REXO5: variants seen among roughly 807,000 people sequenced by gnomAD.
The protein encoded by REXO5 is exonuclease NEF-sp.
A neutral mutation model predicts 88.5 loss-of-function variants in REXO5; 48 were observed. That is an observed-to-expected ratio of 0.54 (90% CI 0.43 to 0.69). REXO5 has a LOEUF of 0.69. Among genes scored for constraint, REXO5 ranks in the 30% least tolerant of loss-of-function variants. The pLI is 0.00. For missense variants in REXO5, 749 were observed against 912.2 expected (o/e 0.82, Z 2.30); for synonymous variants, 311 against 336.5 (o/e 0.92, Z 0.83).
rs765947328 is a variant in REXO5, at chr16:20,843,952, T to C, written c.1645T>C (p.Tyr549His). 1.2e-6 allele frequency: 2 copies of C among 1,606,246 alleles called. No homozygotes were observed. Among genetic ancestry groups the C allele is most frequent in the South Asian group, 2.2e-5 (2 of 90,936 alleles). ...ETRQPHLCIQ[Y>H]EVLEAAQLAI... ...TCTGCAGCCTCATCTCTGTATACAG[T>C]ATGAAGTCCTAGAAGCTGCCCAGCT... The change falls in exon 16 of 20, where the codon TAT (tyrosine) becomes CAT (histidine). Residue 549 changes from tyrosine (Y) to histidine (H), a missense_variant. Physicochemically the swap from Tyr to His is moderately conservative, Grantham distance 83. Coordinates refer to ENST00000261377, the MANE Select transcript of REXO5 (RefSeq NM_030941.3).
At chr16:20,808,226 C>T (rs13335526) in intron 2 of REXO5, among the ~76,000 whole-genome samples, 2,870 of 152,224 alleles carry the variant, frequency 0.019, 90 homozygotes, top group African/African-American at 0.065. Flanking sequence ...GGTTGGGGAC[C>T]GCTGCAATAG....
At chr16:20,824,261 G>A (rs1567392937) in intron 6 of REXO5, among the ~76,000 whole-genome samples, 178 bp from the exon 7 acceptor site, 1 of 152,084 alleles carries the variant, frequency 6.6e-6, no homozygotes. Flanking sequence ...AAAATGAGTA[G>A]ATGGAGAAAA....
At chr16:20,842,039 G>A (rs1261850271) in intron 15 of REXO5, among the ~76,000 whole-genome samples, 4 of 152,058 alleles carry the variant, frequency 2.6e-5, no homozygotes, top group Non-Finnish European at 5.9e-5. Flanking sequence ...TTGGTTGCGG[G>A]GGTGGCGGGT....
In REXO5 at chr16:20,840,410, G is replaced by C; in HGVS notation, c.1568G>C (p.Arg523Thr). The C allele has an allele frequency of 6.3e-7, 1 of 1,583,376 alleles. No individual in the cohort carries two copies. The highest frequency in any genetic ancestry group is 8.6e-7 in the Non-Finnish European group (1 of 1,157,484). The part of the protein sequence containing the change: ...SKNCNLRALK[R>T]LFKSFGPVQS... ...AATTGCAATCTCAGGGCTCTGAAGA[G>C]GCTGTTTAAAAGCTTTGGCCCAGTC... Residue 523 changes from arginine to threonine, a missense_variant, in exon 15 of 20, where the codon AGG (arginine) becomes ACG (threonine). Coordinates refer to ENST00000261377, the MANE Select transcript of REXO5 (RefSeq NM_030941.3).
chr16:20,849,208 T>C (rs574543679), intron 19 of REXO5, among the ~76,000 whole-genome samples, 191 bp from the exon 20 acceptor site: 3 of 152,370 alleles, frequency 2.0e-5, no homozygotes, highest in East Asian at 3.9e-4. Flanking sequence ...AGGATTTGAA[T>C]CTAGACCTCT....
At chr16:20,821,281 GTGT>G (rs1429937773) in intron 5 of REXO5, among the ~76,000 whole-genome samples, 2 of 142,950 alleles carry the variant, frequency 1.4e-5, no homozygotes, top group East Asian at 2.1e-4. Context: ...CATTTTCTCT[GTGT>G]TTTTTTTGTT....
intron 5 of REXO5, among the ~76,000 whole-genome samples, chr16:20,819,005 A>G (rs2081123690): frequency 6.6e-6 from 1 of 152,166 alleles, no homozygotes; most frequent in East Asian, 1.9e-4. Context: ...GCTCCCTCTT[A>G]TAAGTGAGAA....
At chr16:20,828,410 T>C in intron 10 of REXO5, 25 bp from the exon 11 acceptor site, 3 of 1,445,014 alleles carry the variant, frequency 2.1e-6, no homozygotes, top group Non-Finnish European at 2.9e-6. Flanking sequence ...GCTTCCAGTA[T>C]GTCAATTTTA....
Position 20,828,435 on chromosome 16 carries a change from G to A in REXO5, c.1056G>A (p.Gly352=), listed in dbSNP as rs765099680. The A allele has an allele frequency of 3.7e-6, 6 of 1,604,410 alleles. No homozygotes were observed. The highest frequency in any genetic ancestry group is 5.1e-6 in the Non-Finnish European group (6 of 1,171,570). Residue 352 remains glycine, a splice_region_variant and synonymous_variant, in exon 11 of 20, where the codon GGG becomes GGA. Transcript: ENST00000261377. The part of the protein sequence containing the change: ...KLKFLAKVIL[G]KDIQCPDRLG... Reference sequence around the variant, plus strand: ...TGTCAATTTTATATTGACTTTCCAGGAAGGATATACAGTGTCCAGACAGAC... The same window carrying A: ...TGTCAATTTTATATTGACTTTCCAGAAAGGATATACAGTGTCCAGACAGAC...
In REXO5 at chr16:20,844,744, A is replaced by G; in HGVS notation, c.1835A>G (p.Lys612Arg). Residue 612 changes from lysine to arginine, a missense_variant, in exon 17 of 20, where the codon AAA (lysine) becomes AGA (arginine). Physicochemically the swap from Lys to Arg is conservative, Grantham distance 26. Coordinates refer to ENST00000261377, the MANE Select transcript of REXO5 (RefSeq NM_030941.3). Reference sequence around the variant, plus strand: ...CTGTCTGGAGTGAGTGAAACCTTCAAAGAACAGCTATTGCAGGAGCCCCGC... The same window carrying G: ...CTGTCTGGAGTGAGTGAAACCTTCAGAGAACAGCTATTGCAGGAGCCCCGC... ...IYLSGVSETFKEQLLQEPRLF... is the reference protein window; with the variant it reads ...IYLSGVSETFREQLLQEPRLF... 6.2e-7 allele frequency: 1 copy of G among 1,614,228 alleles called. No individual in the cohort carries two copies. The highest frequency in any genetic ancestry group is 8.5e-7 in the Non-Finnish European group (1 of 1,180,036).
Position 20,825,517 on chromosome 16 carries a change from T to C in REXO5, c.706-316T>C, listed in dbSNP as rs116369967. The C allele has an allele frequency of 2.9e-3, 594 of 205,124 alleles. 3 individuals carry two copies. The highest frequency in any genetic ancestry group is 0.012 in the African/African-American group (541 of 43,574). The allele number at this position is 205,124 out of a possible 1,614,324, so 12.7% of individuals were successfully genotyped here. ...CTAGCTGATAATAGAATGGGCTTCA[T>C]AAAAATTACCTATTAGTGGTATTTA... On this transcript the variant is annotated intron_variant, in intron 7 of 19. Coordinates refer to ENST00000261377, the MANE Select transcript of REXO5 (RefSeq NM_030941.3).
At chr16:20,813,351 T>TTTTTTC in intron 3 of REXO5, 49 bp downstream of exon 3, 2 of 860,490 alleles carry the variant, frequency 2.3e-6, no homozygotes, top group East Asian at 6.0e-5. Flanking sequence ...TTTCTTTTTT[T>TTTTTTC]TTTTTTTTTT....
chr16:20,833,775 A>G (rs1427381654), intron 13 of REXO5, among the ~76,000 whole-genome samples: 1 of 152,106 alleles, frequency 6.6e-6, no homozygotes, highest in Admixed American at 6.6e-5. Flanking sequence ...ATGGCCCTAA[A>G]CACTTCAGAG....
At chr16:20,831,802 T>C (rs1362627201) in intron 11 of REXO5, among the ~76,000 whole-genome samples, 1 of 152,138 alleles carries the variant, frequency 6.6e-6, no homozygotes, top group Non-Finnish European at 1.5e-5. Flanking sequence ...TGCAGAGAAG[T>C]AAATTTTAAG....
chr16:20,818,374 T>C (rs2081113580), intron 5 of REXO5, among the ~76,000 whole-genome samples: 1 of 152,246 alleles, frequency 6.6e-6, no homozygotes, highest in Non-Finnish European at 1.5e-5. Context: ...AATATTTTGC[T>C]GGCTGAATAA....
chr16:20,831,297 G>A (rs1484201288), intron 11 of REXO5, among the ~76,000 whole-genome samples: 3 of 152,090 alleles, frequency 2.0e-5, no homozygotes, highest in Non-Finnish European at 4.4e-5. Context: ...CATAGTTGGA[G>A]AAGGAAGGAC....
chr16:20,807,185 G>T, intron 2 of REXO5, 94 bp downstream of exon 2: 1 of 1,441,712 alleles, frequency 6.9e-7, no homozygotes, highest in Non-Finnish European at 9.4e-7. Flanking sequence ...ATTCGGGCGG[G>T]CTCTCCGCCC....
intron 4 of REXO5, 112 bp from the exon 5 acceptor site, chr16:20,816,004 C>CAA: frequency 1.3e-6 from 1 of 793,860 alleles, no homozygotes. Flanking sequence ...AAAATGCTAA[C>CAA]AATTACTGTC....
Position 20,806,617 on chromosome 16 carries a change from G to A in REXO5, c.-91G>A. 1 of 1,370,170 alleles carries A rather than the reference G, an allele frequency of 7.3e-7. No individual in the cohort carries two copies. The highest frequency in any genetic ancestry group is 1.5e-5 in the South Asian group (1 of 66,072). The allele number at this position is 1,370,170 out of a possible 1,614,324, so 84.9% of individuals were successfully genotyped here. ...TCCCGGGCTAGGGGGCGTGGGGAGT[G>A]GTTTTAGGCGGCGAAGCCGCTCGGC... On this transcript the variant is annotated 5_prime_UTR_variant, in exon 1 of 20. Coordinates refer to ENST00000261377, the MANE Select transcript of REXO5 (RefSeq NM_030941.3).
Sources: allele counts gnomAD v4.1 joint callset (sites outside exome capture counted in the v4.1 genomes callset), GRCh38; gene constraint gnomAD v4.1.1; transcripts MANE v1.5; gene names NCBI Gene and HGNC (gene_info 2026-07-23, HGNC 2026-07-21).